FRMPD1: variants seen among roughly 807,000 people sequenced by gnomAD.
The protein encoded by FRMPD1 is FERM and PDZ domain-containing protein 1.
In FRMPD1, 76 loss-of-function variants were observed where a neutral mutation model predicts 117.8. That is an observed-to-expected ratio of 0.65 (90% confidence interval 0.54 to 0.78). The LOEUF (loss-of-function observed/expected upper bound fraction) is 0.78. Among genes scored for constraint, FRMPD1 ranks in the 30% least tolerant of loss-of-function variants. The probability of loss-of-function intolerance (pLI) is 0.00; values close to 1 mark genes in which losing one functional copy is unlikely to be tolerated. For missense variants in FRMPD1, 1,786 were observed against 1,964.5 expected (o/e 0.91, Z 1.72); for synonymous variants, 783 against 770.4 (o/e 1.02, Z -0.27).
At position 37,745,563 on chromosome 9, in the gene FRMPD1, C is replaced by T. The variant is rs773229755; in HGVS notation, c.3531C>T (p.Pro1177=). The T allele has an allele frequency of 1.2e-5, 20 of 1,613,752 alleles. No homozygotes were observed. In the South Asian group the frequency reaches 2.2e-4, roughly 18 times the overall value. ...GGACCGAGCAGATCCCACCACATCC[C>T]CCTAGAGACCCTCAAGGACAGAGCA... ...VTGTEQIPPH[P]PRDPQGQSRE... The change falls in exon 16 of 16, where the codon CCC becomes CCT. Residue 1177 remains proline, a synonymous_variant. Transcript: ENST00000377765.
chr9:37,695,926 C>G (rs1822303667), intron 2 of FRMPD1, among the ~76,000 whole-genome samples: 1 of 152,144 alleles, frequency 6.6e-6, no homozygotes, highest in African/African-American at 2.4e-5. Context: ...CCACCCCAAA[C>G]CATTCAGTGG....
At chr9:37,717,371 A>G (rs371053186) in intron 5 of FRMPD1, among the ~76,000 whole-genome samples, 22,483 of 91,554 alleles carry the variant, frequency 0.25, 2,107 homozygotes, top group Middle Eastern at 0.31. Flanking sequence ...GTGTGTGTGT[A>G]TATATATATA....
intron 10 of FRMPD1, 145 bp from the exon 11 acceptor site, chr9:37,733,324 TGTGA>T: frequency 1.4e-6 from 1 of 726,076 alleles, no homozygotes; most frequent in Non-Finnish European, 2.3e-6. Flanking sequence ...TGTATGTGTG[TGTGA>T]GAAAGAAAAA....
chr9:37,610,590 A>G, the FRMPD1 span, among the ~76,000 whole-genome samples: 2 of 138,094 alleles, frequency 1.4e-5, no homozygotes, highest in Non-Finnish European at 3.1e-5. Flanking sequence ...AATAACTATC[A>G]CATTCTTTTT....
chr9:37,686,713 T>C (rs1821960897), intron 1 of FRMPD1, among the ~76,000 whole-genome samples: 1 of 152,210 alleles, frequency 6.6e-6, no homozygotes, highest in African/African-American at 2.4e-5. Context: ...ATTAGCTAAA[T>C]TATATTTGGC....
the FRMPD1 span, among the ~76,000 whole-genome samples, chr9:37,608,030 C>T: frequency 7.2e-5 from 11 of 152,276 alleles, no homozygotes; most frequent in South Asian, 4.1e-4. Flanking sequence ...TTGTGGCCAG[C>T]GATAACATCT....
chr9:37,672,862 C>T (rs540896384), intron 1 of FRMPD1, among the ~76,000 whole-genome samples: 2 of 152,274 alleles, frequency 1.3e-5, no homozygotes, highest in Admixed American at 6.5e-5. Flanking sequence ...ATGAGACTAG[C>T]ATAGGAAAGA....
At chr9:37,668,844 ATTTGT>A (rs1821254099) in intron 1 of FRMPD1, among the ~76,000 whole-genome samples, 1 of 152,228 alleles carries the variant, frequency 6.6e-6, no homozygotes, top group South Asian at 2.1e-4. Context: ...TATTTCTCAC[ATTTGT>A]TTTGTGTTTT....
intron 5 of FRMPD1, among the ~76,000 whole-genome samples, chr9:37,718,606 C>T (rs1263477561): frequency 6.6e-6 from 1 of 152,196 alleles, no homozygotes; most frequent in Non-Finnish European, 1.5e-5. Context: ...CAGGGAACCC[C>T]GTCTAACTCC....
rs377461996 is a variant in FRMPD1, at chr9:37,724,208, A to G, written c.517-17A>G. ...TAAAAAAAGACAGGGATACAACAATACTCTTGTGTTTTCCAGGGTAATTCT... is the reference window on the plus strand; with the variant it reads ...TAAAAAAAGACAGGGATACAACAATGCTCTTGTGTTTTCCAGGGTAATTCT... On this transcript the variant is annotated splice_polypyrimidine_tract_variant and intron_variant, in intron 6 of 15. Coordinates refer to ENST00000377765, the MANE Select transcript of FRMPD1 (RefSeq NM_014907.3). 470 of 1,345,248 alleles carry G rather than the reference A, an allele frequency of 3.5e-4. 1 individual carries two copies. In the African/African-American group the frequency reaches 5.6e-3, roughly 16 times the overall value. 83.3% of individuals were successfully genotyped at this position (1,345,248 alleles called of 1,614,324 possible).
In FRMPD1 at chr9:37,732,388, G is replaced by T. The variant is rs1823927194; in HGVS notation, c.943G>T (p.Glu315Ter). ...CCGACTCGCGGCTCTGCACATCCAGGAACGGATCTACGCCTGTGCCCAGCC... is the reference window on the plus strand; with the variant it reads ...CCGACTCGCGGCTCTGCACATCCAGTAACGGATCTACGCCTGTGCCCAGCC... ...ALRLAALHIQ[E>*]RIYACAQPQK... The change falls in exon 10 of 16, where the codon GAA becomes TAA. Residue 315 changes from glutamate to a stop codon, truncating the protein, a stop_gained. Coordinates refer to ENST00000377765, the MANE Select transcript of FRMPD1 (RefSeq NM_014907.3). LOFTEE classifies it high-confidence loss of function. The T allele has an allele frequency of 4.3e-6, 7 of 1,613,802 alleles. No individual in the cohort carries two copies. The highest frequency in any genetic ancestry group is 5.9e-6 in the Non-Finnish European group (7 of 1,180,028).
At chr9:37,657,153 G>A (rs1349495502) in intron 1 of FRMPD1, among the ~76,000 whole-genome samples, 1 of 152,342 alleles carries the variant, frequency 6.6e-6, no homozygotes, top group South Asian at 2.1e-4. Context: ...GAAGACAGAT[G>A]TGCAGGCAGC....
intron 1 of FRMPD1, among the ~76,000 whole-genome samples, chr9:37,659,011 G>T (rs184255420): frequency 3.3e-5 from 5 of 151,998 alleles, no homozygotes; most frequent in Non-Finnish European, 5.9e-5. Flanking sequence ...GACTATAGGC[G>T]CACACCAACT....
chr9:37,636,702 C>A, the FRMPD1 span: 1 of 1,563,988 alleles, frequency 6.4e-7, no homozygotes, highest in South Asian at 1.2e-5. Context: ...CAACAACCAC[C>A]GCCAGCCGGC....
At chr9:37,662,254 C>T (rs10116736) in intron 1 of FRMPD1, among the ~76,000 whole-genome samples, 1,693 of 152,248 alleles carry the variant, frequency 0.011, 34 homozygotes, top group African/African-American at 0.039. Flanking sequence ...CCTGCAATAA[C>T]AGCATTAGTC....
At chr9:37,717,144 A>C (rs752366459) in intron 5 of FRMPD1, among the ~76,000 whole-genome samples, 5 of 152,110 alleles carry the variant, frequency 3.3e-5, no homozygotes, top group Non-Finnish European at 7.3e-5. Flanking sequence ...TACTATATCC[A>C]TAGAACCCTG....
At chr9:37,672,124 T>C (rs1821372194) in intron 1 of FRMPD1, among the ~76,000 whole-genome samples, 2 of 152,220 alleles carry the variant, frequency 1.3e-5, no homozygotes, top group Admixed American at 1.3e-4. Flanking sequence ...AAATGGATTG[T>C]GGTGATGGTT....
intron 2 of FRMPD1, among the ~76,000 whole-genome samples, chr9:37,704,244 C>T (rs60062264): frequency 0.067 from 10,168 of 152,016 alleles, 826 homozygotes; most frequent in East Asian, 0.37. Flanking sequence ...AATTGATACG[C>T]GCTGTAAGTG....
chr9:37,677,653 T>C (rs146157632), intron 1 of FRMPD1, among the ~76,000 whole-genome samples: 2 of 152,220 alleles, frequency 1.3e-5, no homozygotes, highest in African/African-American at 2.4e-5. Flanking sequence ...ATAAGGCCTG[T>C]GCTGTTGACA....
Sources: gnomAD v4.1 joint callset for allele counts (sites outside exome capture counted in the v4.1 genomes callset) on GRCh38, gnomAD v4.1.1 for gene constraint, MANE v1.5 for transcripts, NCBI Gene and HGNC (gene_info 2026-07-23, HGNC 2026-07-21) for gene names.